Variants in SGCG observed in about 807,000 individuals in gnomAD.
SGCG encodes gamma-sarcoglycan.
Under a neutral mutation model 29.3 loss-of-function variants are expected in SGCG, and 26 were observed. The observed-to-expected ratio is 0.89, with a 90% CI of 0.65 to 1.23. The LOEUF (loss-of-function observed/expected upper bound fraction) is 1.23. SGCG is among the 50% of genes most tolerant of loss of function. The probability of loss-of-function intolerance (pLI) is 0.00; values close to 1 mark genes in which losing one functional copy is unlikely to be tolerated. For missense variants in SGCG, 353 were observed against 356.0 expected, an observed-to-expected ratio of 0.99 and a Z score of 0.07; for synonymous variants, 145 against 129.7, an observed-to-expected ratio of 1.12 and a Z score of -0.80.
intron 6 of SGCG, among the ~76,000 whole-genome samples, chr13:23,308,154 A>G (rs1882426660): frequency 6.6e-6 from 1 of 152,244 alleles, no homozygotes; most frequent in Non-Finnish European, 1.5e-5. Context: ...GTAGTATTCT[A>G]TGAAAATAAA....
At chr13:23,299,732 G>A (rs766146969) in intron 6 of SGCG, among the ~76,000 whole-genome samples, 9 of 151,946 alleles carry the variant, frequency 5.9e-5, no homozygotes, top group Non-Finnish European at 1.3e-4. Context: ...GATTACAGGC[G>A]TTAGCCACCG....
intron 5 of SGCG, among the ~76,000 whole-genome samples, chr13:23,280,494 T>G (rs1881267387): frequency 6.6e-6 from 1 of 152,194 alleles, no homozygotes; most frequent in Non-Finnish European, 1.5e-5. Flanking sequence ...TGTTGCATAC[T>G]CTAAGACAGT....
At chr13:23,276,326 T>G (rs1035550172) in intron 4 of SGCG, among the ~76,000 whole-genome samples, 10 of 151,914 alleles carry the variant, frequency 6.6e-5, no homozygotes, top group Admixed American at 1.3e-4. Flanking sequence ...AAAATGGAGG[T>G]GGGATTTTAT....
intron 3 of SGCG, among the ~76,000 whole-genome samples, chr13:23,238,041 A>AAT (rs1555238605): frequency 3.3e-5 from 5 of 152,174 alleles, no homozygotes; most frequent in African/African-American, 1.2e-4. Flanking sequence ...TGAAAAAAAA[A>AAT]ATATATGAAA....
chr13:23,216,853 G>C (rs510407), intron 2 of SGCG, among the ~76,000 whole-genome samples: 119,833 of 152,054 alleles, frequency 0.79, 47,546 homozygotes, highest in East Asian at 0.94. Context: ...CATCCTGACA[G>C]TCTTAATTTA....
At chr13:23,268,959 G>A (rs1880753211) in intron 4 of SGCG, 1 of 150,086 alleles carries the variant, frequency 6.7e-6, no homozygotes, top group Non-Finnish European at 1.5e-5. Context: ...TGGAAAGACT[G>A]ACTGAAAAGA....
intron 2 of SGCG, among the ~76,000 whole-genome samples, chr13:23,234,141 G>A (rs75275997): frequency 1.3e-5 from 2 of 152,120 alleles, no homozygotes; most frequent in Admixed American, 6.5e-5. Flanking sequence ...CACTTAAGAA[G>A]TGTTCAATAA....
chr13:23,168,245 A>G, the SGCG span, among the ~76,000 whole-genome samples: 8 of 152,254 alleles, frequency 5.3e-5, no homozygotes, highest in South Asian at 1.7e-3. Context: ...CTTCTTTACC[A>G]TTATATTTAA....
At chr13:23,291,117 C>A (rs1881691133) in intron 5 of SGCG, among the ~76,000 whole-genome samples, 1 of 152,118 alleles carries the variant, frequency 6.6e-6, no homozygotes, top group Non-Finnish European at 1.5e-5. Flanking sequence ...TTGGACAAAC[C>A]ATTTACCATG....
At chr13:23,213,063 G>A (rs1306165239) in intron 2 of SGCG, among the ~76,000 whole-genome samples, 2 of 152,114 alleles carry the variant, frequency 1.3e-5, no homozygotes, top group East Asian at 1.9e-4. Context: ...CTTTCTGTAC[G>A]GAGCTGTCAG....
chr13:23,273,164 C>A (rs1880930753), intron 4 of SGCG, among the ~76,000 whole-genome samples: 1 of 147,872 alleles, frequency 6.8e-6, no homozygotes, highest in Non-Finnish European at 1.5e-5. Flanking sequence ...TATTTCTAGG[C>A]TTTTGAATTA....
chr13:23,307,022 G>C, intron 6 of SGCG, among the ~76,000 whole-genome samples: 1 of 152,092 alleles, frequency 6.6e-6, no homozygotes, highest in East Asian at 1.9e-4. Flanking sequence ...AAATATATTA[G>C]ATTTAATTTT....
intron 2 of SGCG, among the ~76,000 whole-genome samples, chr13:23,208,346 TTAA>T (rs1878059858): frequency 6.6e-6 from 1 of 152,148 alleles, no homozygotes; most frequent in African/African-American, 2.4e-5. Context: ...TCATCATACT[TTAA>T]TGTTTCACTG....
intron 4 of SGCG, among the ~76,000 whole-genome samples, chr13:23,265,995 A>T (rs1264599614): frequency 4.6e-5 from 7 of 152,222 alleles, no homozygotes; most frequent in Admixed American, 4.6e-4. Context: ...TCAAAATCAC[A>T]AAGATATAAA....
At chr13:23,238,493 G>A (rs939517337) in intron 3 of SGCG, among the ~76,000 whole-genome samples, 4 of 152,308 alleles carry the variant, frequency 2.6e-5, no homozygotes, top group Admixed American at 2.6e-4. Flanking sequence ...CCACCAGTCA[G>A]AGTGGAAAAC....
At chr13:23,243,169 T>G (rs1345591989) in intron 3 of SGCG, among the ~76,000 whole-genome samples, 1 of 152,192 alleles carries the variant, frequency 6.6e-6, no homozygotes, top group Non-Finnish European at 1.5e-5. Flanking sequence ...AATACCCAGC[T>G]AGCCGTGGCA....
upstream of SGCG, among the ~76,000 whole-genome samples, chr13:23,177,484 C>T (rs570513605): frequency 6.6e-6 from 1 of 150,922 alleles, no homozygotes; most frequent in African/African-American, 2.4e-5. Context: ...ATTGAAGTAT[C>T]ACGTTGTACC....
intron 4 of SGCG, among the ~76,000 whole-genome samples, chr13:23,269,650 G>T (rs1880782005): frequency 6.6e-6 from 1 of 152,076 alleles, no homozygotes; most frequent in Non-Finnish European, 1.5e-5. Flanking sequence ...TCACTGAATA[G>T]TATGGCCCTC....
At position 23,317,337 on chromosome 13, in the gene SGCG, G is replaced by A. The variant is rs560797680; in HGVS notation, c.579-3300G>A. Among the ~76,000 whole-genome samples, 5 of 152,296 alleles carry A rather than the reference G, an allele frequency of 3.3e-5. No individual in the cohort carries two copies. In the South Asian group the frequency reaches 1.0e-3, roughly 32 times the overall value. ...TGGGAAACTACAACAGCCCAATCCA[G>A]GCAGGGCTACAAACGGCCCAGACCT... On this transcript the variant is annotated intron_variant, in intron 6 of 7. Transcript: ENST00000218867.
Sources: gnomAD v4.1 joint callset for allele counts (sites outside exome capture counted in the v4.1 genomes callset) on GRCh38, gnomAD v4.1.1 for gene constraint, MANE v1.5 for transcripts, NCBI Gene and HGNC (gene_info 2026-07-23, HGNC 2026-07-21) for gene names.